Variants in DPYD observed in about 807,000 individuals in gnomAD.
DPYD encodes dihydropyrimidine dehydrogenase [NADP(+)].
In DPYD, 109 loss-of-function variants were observed where a neutral mutation model predicts 116.2. The observed-to-expected ratio is 0.94, with a 90% CI of 0.80 to 1.10. The LOEUF is 1.10. DPYD is among the 50% of genes least tolerant of loss of function. The probability of loss-of-function intolerance (pLI) is 0.00; values close to 1 mark genes in which losing one functional copy is unlikely to be tolerated. For missense variants in DPYD, 1,302 were observed against 1,254.5 expected (o/e 1.04, Z -0.57); for synonymous variants, 440 against 432.0 (o/e 1.02, Z -0.23).
At chr1:97,518,135 A>T (rs1167683484) in intron 12 of DPYD, among the ~76,000 whole-genome samples, 1 of 152,068 alleles carries the variant, frequency 6.6e-6, no homozygotes, top group Non-Finnish European at 1.5e-5. Context: ...ATTTTCCTTA[A>T]GCTTCAAAAC....
chr1:97,394,397 G>C (rs567723191), intron 14 of DPYD: 1 of 152,166 alleles, frequency 6.6e-6, no homozygotes, highest in South Asian at 2.1e-4. Flanking sequence ...TCGCATCTCA[G>C]GGAACAGGGA....
chr1:97,383,490 AAAAAAAG>A (rs1672108147), intron 14 of DPYD, among the ~76,000 whole-genome samples: 3 of 149,508 alleles, frequency 2.0e-5, no homozygotes, highest in Non-Finnish European at 3.0e-5. Context: ...AAAAAAAAAG[AAAAAAAG>A]AAAAAAAGAA....
intron 13 of DPYD, among the ~76,000 whole-genome samples, chr1:97,481,459 G>C (rs899837961): frequency 6.6e-6 from 1 of 151,958 alleles, no homozygotes; most frequent in Non-Finnish European, 1.5e-5. Context: ...GTCTATTCTA[G>C]AGAAATTATA....
At chr1:97,249,404 A>AGAAAGGAAAAAAAT (rs1458624098) in intron 18 of DPYD, among the ~76,000 whole-genome samples, 1 of 152,122 alleles carries the variant, frequency 6.6e-6, no homozygotes, top group East Asian at 1.9e-4. Flanking sequence ...AGAAAAGAAA[A>AGAAAGGAAAAAAAT]GAAAGGAAAA....
chr1:97,501,414 T>C (rs1359559677), intron 13 of DPYD, among the ~76,000 whole-genome samples: 1 of 151,964 alleles, frequency 6.6e-6, no homozygotes, highest in East Asian at 1.9e-4. Context: ...TAAATCCAAT[T>C]AATGTGGCCT....
intron 1 of DPYD, among the ~76,000 whole-genome samples, chr1:97,886,690 A>G (rs941226247): frequency 3.3e-5 from 5 of 152,176 alleles, no homozygotes; most frequent in African/African-American, 1.2e-4. Flanking sequence ...AAAGGAACTG[A>G]CTTTATTTGA....
chr1:97,374,635 C>T (rs769717734), intron 15 of DPYD, among the ~76,000 whole-genome samples: 2 of 129,974 alleles, frequency 1.5e-5, no homozygotes, highest in Non-Finnish European at 3.1e-5. Context: ...AGGAGAATGG[C>T]GTGAACCCAG....
intron 8 of DPYD, among the ~76,000 whole-genome samples, chr1:97,676,331 A>G (rs1385857208): frequency 6.6e-6 from 1 of 152,146 alleles, no homozygotes; most frequent in African/African-American, 2.4e-5. Flanking sequence ...ACAGACAATG[A>G]GATGAAAGAA....
chr1:97,719,353 T>G (rs1409394713), intron 5 of DPYD, among the ~76,000 whole-genome samples: 1 of 151,846 alleles, frequency 6.6e-6, no homozygotes, highest in Admixed American at 6.6e-5. Context: ...AAATCACTTA[T>G]AAGTCACAGG....
chr1:97,335,817 G>T (rs1401039188), intron 16 of DPYD, among the ~76,000 whole-genome samples: 1 of 152,162 alleles, frequency 6.6e-6, no homozygotes, highest in African/African-American at 2.4e-5. Context: ...CCTTTTGAAA[G>T]CAAAGACAAC....
chr1:97,885,999 C>T (rs1302248619), intron 1 of DPYD, among the ~76,000 whole-genome samples: 2 of 152,030 alleles, frequency 1.3e-5, no homozygotes, highest in Admixed American at 6.6e-5. Flanking sequence ...TGCAGACTGA[C>T]TCCCATAAAA....
chr1:97,349,887 G>C (rs1670051963), intron 16 of DPYD, among the ~76,000 whole-genome samples: 1 of 144,822 alleles, frequency 6.9e-6, no homozygotes, highest in Admixed American at 7.2e-5. Context: ...GTGTCAAATG[G>C]TATTTCTAGT....
intron 4 of DPYD, among the ~76,000 whole-genome samples, chr1:97,725,041 T>G (rs1349878357): frequency 6.6e-6 from 1 of 151,308 alleles, no homozygotes; most frequent in African/African-American, 2.4e-5. Flanking sequence ...TAAAATGATC[T>G]TGTATATACA....
At chr1:97,209,803 C>T (rs1287454776) in intron 19 of DPYD, among the ~76,000 whole-genome samples, 1 of 152,084 alleles carries the variant, frequency 6.6e-6, no homozygotes, top group Non-Finnish European at 1.5e-5. Flanking sequence ...TGGGATTAAG[C>T]CAGCTATCTG....
At chr1:97,586,474 A>ATGTGGGCT (rs1654118079) in intron 10 of DPYD, among the ~76,000 whole-genome samples, 1 of 27,584 alleles carries the variant, frequency 3.6e-5, no homozygotes, top group Non-Finnish European at 7.4e-5. Flanking sequence ...ACATATATAT[A>ATGTGGGCT]TATATATATA....
intron 16 of DPYD, among the ~76,000 whole-genome samples, chr1:97,338,219 T>TA (rs931417577): frequency 7.9e-5 from 12 of 151,916 alleles, no homozygotes; most frequent in South Asian, 2.1e-4. Flanking sequence ...AAGGTGAAAA[T>TA]AAAAAAAATT....
At chr1:97,874,851 G>C (rs1294913385) in intron 2 of DPYD, among the ~76,000 whole-genome samples, 1 of 151,810 alleles carries the variant, frequency 6.6e-6, no homozygotes, top group Non-Finnish European at 1.5e-5. Context: ...AGACAACAGA[G>C]ATTTTTAAGA....
intron 18 of DPYD, among the ~76,000 whole-genome samples, chr1:97,300,664 A>G (rs1341043631): frequency 6.6e-6 from 1 of 152,072 alleles, no homozygotes; most frequent in East Asian, 1.9e-4. Flanking sequence ...TTACACAAAT[A>G]TTCACTAATA....
intron 2 of DPYD, among the ~76,000 whole-genome samples, chr1:97,833,489 A>C (rs1021449745): frequency 7.2e-5 from 11 of 152,108 alleles, no homozygotes; most frequent in Non-Finnish European, 1.2e-4. Flanking sequence ...CCAGATTAAG[A>C]GAAAAAAAGG....
Sources: gnomAD v4.1 joint callset for allele counts (sites outside exome capture counted in the v4.1 genomes callset) on GRCh38, gnomAD v4.1.1 for gene constraint, MANE v1.5 for transcripts, NCBI Gene and HGNC (gene_info 2026-07-23, HGNC 2026-07-21) for gene names.